Variants in ZFP28 observed in about 807,000 individuals in gnomAD.
ZFP28 encodes the protein ZFP28 zinc finger protein.
Under a neutral mutation model 39.5 loss-of-function variants are expected in ZFP28, and 31 were observed. The observed-to-expected ratio is 0.79, with a 90% CI of 0.59 to 1.06. The LOEUF (loss-of-function observed/expected upper bound fraction) is 1.06, where lower values mean the gene tolerates loss of function less well. ZFP28 is among the 50% of genes least tolerant of loss of function. The pLI is 0.00. For missense variants in ZFP28, 925 were observed against 1,048.4 expected (o/e 0.88, Z 1.63); for synonymous variants, 400 against 378.6 (o/e 1.06, Z -0.66).
rs371935580 is a variant in ZFP28, at chr19:56,554,367, A to G, written c.1582A>G (p.Thr528Ala). The change falls in exon 8 of 8, where the codon ACT becomes GCT. Residue 528 changes from threonine (T) to alanine (A), a missense_variant. Physicochemically the swap from Thr to Ala is moderately conservative, Grantham distance 58. Around this residue, in one of 2 missense-constraint regions of ZFP28, gnomAD observed 369 missense variants for 505.5 expected, o/e 0.73. Transcript: ENST00000301318. This position sits in a 1 kb window ranked among gnomAD's most constrained non-coding sequence, Gnocchi z 6.7. ...IGLNQHRRIH[T>A]GEKPYKCDVC... ...GCTTAATCAACACAGGAGAATTCAT[A>G]CTGGAGAGAAACCTTACAAATGTGA... The G allele has an allele frequency of 1.2e-6, 2 of 1,614,046 alleles. No individual in the cohort carries two copies. Among genetic ancestry groups the G allele is most frequent in the African/African-American group, 2.7e-5 (2 of 74,926 alleles).
In ZFP28 at chr19:56,539,066, G is replaced by A. The variant is rs767718014; in HGVS notation, c.48G>A (p.Pro16=). ...GTGTCCGCGAGCCGACGCCGCTCCC[G>A]GGTAGAGGCGCCCCCCGCACAAAGC... is the stretch of plus-strand genomic sequence containing the variant. ...SASVREPTPL[P]GRGAPRTKPR... The change falls in exon 1 of 8, where the codon CCG becomes CCA. Residue 16 remains proline (P), a synonymous_variant. Coordinates refer to ENST00000301318, the MANE Select transcript of ZFP28 (RefSeq NM_020828.2). 104 of 1,522,690 alleles carry A rather than the reference G, an allele frequency of 6.8e-5. No individual in the cohort carries two copies. The highest frequency in any genetic ancestry group is 8.9e-5 in the Non-Finnish European group (101 of 1,139,810). The allele number at this position is 1,522,690 out of a possible 1,614,324, so 94.3% of individuals were successfully genotyped here.
chr19:56,553,739 T>C lies in ZFP28; in HGVS notation c.954T>C (p.Ala318=). Residue 318 remains alanine (A), a synonymous_variant, in exon 8 of 8, where the codon GCT becomes GCC. Transcript: ENST00000301318. The part of the protein sequence containing the change: ...QELFPKQDSY[A]EGVTDRTSNT... ...TATTTCCAAAGCAAGATTCATATGC[T>C]GAAGGGGTAACAGACAGAACCTCAA... 1.9e-6 allele frequency: 3 copies of C among 1,613,950 alleles called. No individual in the cohort carries two copies. Among genetic ancestry groups the C allele is most frequent in the Non-Finnish European group, 2.5e-6 (3 of 1,179,956 alleles).
chr19:56,547,818 T>G lies in ZFP28; in HGVS notation c.439T>G (p.Ser147Ala), dbSNP rs775604061. 2 of 1,614,140 alleles carry G rather than the reference T, an allele frequency of 1.2e-6. No homozygotes were observed. Among genetic ancestry groups the G allele is most frequent in the South Asian group, 2.2e-5 (2 of 91,084 alleles). ...RNLASLGLCV[S>A]KPDVISSLEQ... ...TTTTATGTGTCTAGGACTTTGTGTT[T>G]CTAAGCCCGATGTGATCTCCTCGTT... is the stretch of plus-strand genomic sequence containing the variant. Residue 147 changes from serine to alanine, a missense_variant, in exon 4 of 8, where the codon TCT (serine) becomes GCT (alanine). Physicochemically the swap from Ser to Ala is moderately conservative, Grantham distance 99 (BLOSUM62 1). Around this residue, in one of 2 missense-constraint regions of ZFP28, gnomAD observed 556 missense variants for 542.9 expected, o/e 1.02. Transcript: ENST00000301318. This position sits in a 1 kb window ranked among gnomAD's most constrained non-coding sequence, Gnocchi z 4.6.
At chr19:56,553,330 C>T (rs2044321712) in intron 7 of ZFP28, among the ~76,000 whole-genome samples, 1 of 152,142 alleles carries the variant, frequency 6.6e-6, no homozygotes, top group Admixed American at 6.5e-5. Context: ...AAGCAATCCC[C>T]CTGCCTTTGC....
chr19:56,549,689 C>G (rs2044278085), intron 5 of ZFP28, among the ~76,000 whole-genome samples: 1 of 151,764 alleles, frequency 6.6e-6, no homozygotes, highest in East Asian at 1.9e-4. Context: ...AAAAAAAAAG[C>G]TTTGAGCAGA....
At chr19:56,551,775 G>T (rs1305661929) in intron 7 of ZFP28, 2 of 984,052 alleles carry the variant, frequency 2.0e-6, no homozygotes, top group South Asian at 4.7e-5. Context: ...CGTAAATTTG[G>T]TTTTTCTCTT....
chr19:56,549,010 C>A lies in ZFP28; in HGVS notation c.576C>A (p.Cys192Ter). Residue 192 changes from cysteine (C) to a stop codon, truncating the protein, a stop_gained, in exon 5 of 8, where the codon TGC (cysteine) becomes TGA (stop). Transcript: ENST00000301318. LOFTEE classifies it high-confidence loss of function. ...AGTTACCTCTCAAGAAGGACTTCTG[C>A]GAAGGAAAGCTATCCCAGGCAGTGA... ...IKELPLKKDF[C>*]EGKLSQAVIT... 1 of 1,613,970 alleles carries A rather than the reference C, an allele frequency of 6.2e-7. No individual in the cohort carries two copies. Among genetic ancestry groups the A allele is most frequent in the Non-Finnish European group, 8.5e-7 (1 of 1,179,952 alleles).
chr19:56,539,022 C>CG lies in ZFP28; in HGVS notation c.10dup (p.Ala4GlyfsTer15). 8 of 1,272,570 alleles carry CG rather than the reference C, an allele frequency of 6.3e-6. No individual in the cohort carries two copies. Among genetic ancestry groups the CG allele is most frequent in the Non-Finnish European group, 3.1e-6 (3 of 969,692 alleles). 78.8% of individuals were successfully genotyped at this position (1,272,570 alleles called of 1,614,324 possible). On this transcript the variant is annotated frameshift_variant, in exon 1 of 8. Transcript: ENST00000301318. LOFTEE classifies it high-confidence loss of function. Reference sequence around the variant, plus strand: ...GCGTCGCGCGGCCTCGGGTGACATGCGGGGGGCGGCGAGCGCGAGTGTCCG... The same window carrying CG: ...GCGTCGCGCGGCCTCGGGTGACATGCGGGGGGGCGGCGAGCGCGAGTGTCCG...
At chr19:56,539,321 T>C (rs2044172643) in intron 1 of ZFP28, 95 bp downstream of exon 1, 4 of 1,253,376 alleles carry the variant, frequency 3.2e-6, no homozygotes, top group Non-Finnish European at 4.3e-6. Flanking sequence ...GACCAGTTGC[T>C]GGAGAACTGT....
chr19:56,540,351 A>G (rs2044185130), intron 2 of ZFP28, among the ~76,000 whole-genome samples: 1 of 152,236 alleles, frequency 6.6e-6, no homozygotes, highest in Non-Finnish European at 1.5e-5. Flanking sequence ...GCAATATGAA[A>G]GGCTTTTCCA....
At chr19:56,550,366 G>A (rs1281147342) in intron 6 of ZFP28, 144 bp from the exon 7 acceptor site, 11 of 882,300 alleles carry the variant, frequency 1.2e-5, no homozygotes, top group Admixed American at 1.1e-4. Flanking sequence ...GGCTTGAAGC[G>A]TTATCTTCTT....
At position 56,552,129 on chromosome 19, in the gene ZFP28, G is replaced by A. The variant is rs2044309291; in HGVS notation, c.898+1524G>A. 1.4e-5 allele frequency: 7 copies of A among 517,850 alleles called. 1 individual carries two copies. The highest frequency in any genetic ancestry group is 1.5e-5 in the Non-Finnish European group (6 of 403,682). The allele number at this position is 517,850 out of a possible 1,614,324, so 32.1% of individuals were successfully genotyped here. ...ATTTATTTAAATTATTTACTGTTGA[G>A]TATATTTAAACATTTAGGAGGTCTT... On this transcript the variant is annotated intron_variant, in intron 7 of 7. Coordinates refer to ENST00000301318, the MANE Select transcript of ZFP28 (RefSeq NM_020828.2).
chr19:56,543,994 A>G (rs2044218475), intron 2 of ZFP28, among the ~76,000 whole-genome samples: 1 of 152,226 alleles, frequency 6.6e-6, no homozygotes, highest in African/African-American at 2.4e-5. Context: ...AGGCAACTCA[A>G]GTGACCACAT....
At chr19:56,540,855 A>G (rs1485905857) in intron 2 of ZFP28, among the ~76,000 whole-genome samples, 1 of 152,034 alleles carries the variant, frequency 6.6e-6, no homozygotes, top group African/African-American at 2.4e-5. Flanking sequence ...TCCCTTGGCT[A>G]CTGGGATCTC....
chr19:56,550,821 T>C, intron 7 of ZFP28: 1 of 1,492,804 alleles, frequency 6.7e-7, no homozygotes, highest in Non-Finnish European at 8.9e-7. Flanking sequence ...TTCCTTCTTT[T>C]CTTGGCCACT....
In ZFP28 at chr19:56,550,577, G is replaced by C. The variant is rs1600548087; in HGVS notation, c.870G>C (p.Lys290Asn). ...AAGAGAAGGAGCCCTGGATGGTGAA[G>C]CGAGAGCTGACAGGAAGCCTGTTCT... ...LEQEKEPWMVKRELTGSLFSG... is the reference protein window; with the variant it reads ...LEQEKEPWMVNRELTGSLFSG... The change falls in exon 7 of 8, where the codon AAG (lysine) becomes AAC (asparagine). Residue 290 changes from lysine to asparagine, a missense_variant. By Grantham distance (94) the Lys-to-Asn change is moderately conservative. This residue lies in a region of ZFP28 where 556 missense variants were observed against 542.9 expected (regional missense o/e 1.02). Transcript: ENST00000301318. The C allele has an allele frequency of 6.2e-7, 1 of 1,614,152 alleles. No homozygotes were observed. The highest frequency in any genetic ancestry group is 2.2e-5 in the East Asian group (1 of 44,882).
At chr19:56,539,376 T>G in intron 1 of ZFP28, 150 bp downstream of exon 1, 1 of 950,332 alleles carries the variant, frequency 1.1e-6, no homozygotes, top group South Asian at 1.8e-5. Flanking sequence ...TCTGAAGATT[T>G]GGAAGCTCAA....
rs1055117303 is a variant in ZFP28 at position 56,555,002 on chromosome 19, G to C, written c.2217G>C (p.Lys739Asn). 1 of 1,614,090 alleles carries C rather than the reference G, an allele frequency of 6.2e-7. No individual in the cohort carries two copies. ...YECIECGKAF[K>N]TKSSLICHRR... is the part of the protein sequence containing the mutation. ...GTATTGAGTGTGGAAAGGCATTCAA[G>C]ACAAAATCCTCCCTTATTTGTCATC... Residue 739 changes from lysine to asparagine, a missense_variant, in exon 8 of 8, where the codon AAG becomes AAC. Physicochemically the swap from Lys to Asn is moderately conservative, Grantham distance 94. Coordinates refer to ENST00000301318, the MANE Select transcript of ZFP28 (RefSeq NM_020828.2).
rs144530285 is a variant in ZFP28, at chr19:56,540,244, T to C, written c.300+528T>C. On this transcript the variant is annotated intron_variant, in intron 2 of 7. Transcript: ENST00000301318. Reference sequence around the variant, plus strand: ...GCCTCCTGTAGCGGAAGGGTAGGCCTATTTACCAAGGAGGTGATTTTTGAG... The same window carrying C: ...GCCTCCTGTAGCGGAAGGGTAGGCCCATTTACCAAGGAGGTGATTTTTGAG... Among the ~76,000 whole-genome samples the C allele has an allele frequency of 5.9e-5, 9 of 152,324 alleles. No homozygotes were observed. The East Asian group carries it at 1.7e-3, about 29-fold the overall frequency.
Sources: allele counts gnomAD v4.1 joint callset (sites outside exome capture counted in the v4.1 genomes callset), GRCh38; gene constraint gnomAD v4.1.1; regional missense constraint gnomAD v4.1.1; non-coding constraint Gnocchi (gnomAD v3.1); transcripts MANE v1.5; gene names NCBI Gene and HGNC (gene_info 2026-07-23, HGNC 2026-07-21).